SNTG1: variants seen among roughly 807,000 people sequenced by gnomAD.
SNTG1 encodes the protein gamma-1-syntrophin.
Under a neutral mutation model 74.7 loss-of-function variants are expected in SNTG1, and 39 were observed. That is an observed-to-expected ratio of 0.52 (90% CI 0.40 to 0.68). The LOEUF is 0.68. Ranked by LOEUF, SNTG1 falls within the 30% of genes least tolerant of loss-of-function variation. The pLI is 0.00. For missense variants in SNTG1, 685 were observed against 609.5 expected (o/e 1.12, Z -1.30); for synonymous variants, 254 against 217.1 (o/e 1.17, Z -1.49).
chr8:50,637,622 C>T lies in SNTG1; in HGVS notation c.850-19287C>T, dbSNP rs555982554. Among the ~76,000 whole-genome samples the T allele has an allele frequency of 1.1e-4, 16 of 152,108 alleles. No individual in the cohort carries two copies. In the South Asian group the frequency reaches 2.9e-3, roughly 28 times the overall value. On this transcript the variant is annotated intron_variant, in intron 13 of 18. Transcript: ENST00000642720. ...ATAGTACTCTAGTAGATCACTCACT[C>T]CTATTTTACCTTTGATCCAAGCAAT...
chr8:49,935,744 A>T (rs1808026094), intron 1 of SNTG1, among the ~76,000 whole-genome samples: 1 of 152,146 alleles, frequency 6.6e-6, no homozygotes, highest in Admixed American at 6.5e-5. Context: ...CAGTGTTGGA[A>T]GCCAGATTTC....
intron 18 of SNTG1, among the ~76,000 whole-genome samples, chr8:50,765,686 T>C (rs2095611857): frequency 6.6e-6 from 1 of 152,028 alleles, no homozygotes; most frequent in African/African-American, 2.4e-5. Context: ...ACTCTGATTG[T>C]TAGTTTCTCA....
intron 12 of SNTG1, among the ~76,000 whole-genome samples, chr8:50,576,363 G>A (rs2094576998): frequency 6.6e-6 from 1 of 152,122 alleles, no homozygotes; most frequent in Non-Finnish European, 1.5e-5. Flanking sequence ...ATAGCACATA[G>A]TTTACTGTAG....
rs376977793 is a variant in SNTG1, at chr8:50,009,626, C to T, written c.-103+97395C>T. Among the ~76,000 whole-genome samples the T allele has an allele frequency of 4.6e-5, 7 of 152,246 alleles. 2 individuals carry two copies. Among genetic ancestry groups the T allele is most frequent in the Admixed American group, 6.5e-5 (1 of 15,282 alleles). On this transcript the variant is annotated intron_variant, in intron 1 of 18. Transcript: ENST00000642720. ...TGAAACCTTTTTCATTGTTGCCAAT[C>T]TTCCAAAATCAAGAGGTTCTTTTGC...
intron 17 of SNTG1, among the ~76,000 whole-genome samples, chr8:50,714,776 C>T (rs1290744989): frequency 6.6e-6 from 1 of 151,950 alleles, no homozygotes; most frequent in Non-Finnish European, 1.5e-5. Context: ...CAAGGTCCAG[C>T]ACAGGCTCAA....
At position 50,421,058 on chromosome 8, in the gene SNTG1, G is replaced by T. The variant is rs377677345; in HGVS notation, c.163-17485G>T. Among the ~76,000 whole-genome samples, 114 of 107,812 alleles carry T rather than the reference G, an allele frequency of 1.1e-3. 14 individuals carry two copies. The highest frequency in any genetic ancestry group is 1.3e-3 in the Non-Finnish European group (66 of 51,780). 70.7% of individuals were successfully genotyped at this position (107,812 alleles called of 152,430 possible). A position where few individuals can be genotyped will look rare whatever the true frequency, so the allele number is the denominator to read the frequency against. On this transcript the variant is annotated intron_variant, in intron 4 of 18. Transcript: ENST00000642720. ...AAAAGGCGGTGGGCGGGGGAGGGGG[G>T]GGCGAAGATAAAGGGACATTTAAAT...
intron 17 of SNTG1, among the ~76,000 whole-genome samples, chr8:50,731,513 C>T (rs1214717158): frequency 1.3e-5 from 2 of 152,042 alleles, no homozygotes; most frequent in Non-Finnish European, 2.9e-5. Flanking sequence ...AATTCTTGCT[C>T]CTGTGTTTCT....
chr8:50,506,258 G>A (rs886248906), intron 9 of SNTG1, among the ~76,000 whole-genome samples: 2 of 151,986 alleles, frequency 1.3e-5, no homozygotes, highest in Non-Finnish European at 2.9e-5. Flanking sequence ...GCTTTGTAAT[G>A]TATCTTGAGT....
At chr8:50,452,035 A>G (rs375264941) in intron 8 of SNTG1, among the ~76,000 whole-genome samples, 2 of 152,204 alleles carry the variant, frequency 1.3e-5, no homozygotes, top group East Asian at 3.9e-4. Flanking sequence ...ATTTAGAGAA[A>G]ACTATGTTGA....
At chr8:50,781,738 C>A (rs758589773) in intron 18 of SNTG1, among the ~76,000 whole-genome samples, 1 of 152,250 alleles carries the variant, frequency 6.6e-6, no homozygotes, top group East Asian at 1.9e-4. Flanking sequence ...TGAATTTGAT[C>A]CTGTCATTAT....
intron 1 of SNTG1, among the ~76,000 whole-genome samples, chr8:50,157,329 T>G (rs972940957): frequency 6.6e-6 from 1 of 151,938 alleles, no homozygotes. Context: ...ATCAGAGGAG[T>G]AGTTACAAAG....
At chr8:50,509,562 T>C (rs2094045421) in intron 9 of SNTG1, among the ~76,000 whole-genome samples, 1 of 152,170 alleles carries the variant, frequency 6.6e-6, no homozygotes, top group Non-Finnish European at 1.5e-5. Flanking sequence ...GGAATGTTCT[T>C]CCATTTGTTT....
chr8:50,716,220 G>A (rs1033467895), intron 17 of SNTG1, among the ~76,000 whole-genome samples: 2 of 151,800 alleles, frequency 1.3e-5, no homozygotes, highest in Non-Finnish European at 2.9e-5. Flanking sequence ...TAAATTTTAT[G>A]TTATTATTCC....
intron 15 of SNTG1, among the ~76,000 whole-genome samples, chr8:50,672,851 G>T (rs769190690): frequency 6.6e-6 from 1 of 151,904 alleles, no homozygotes; most frequent in Non-Finnish European, 1.5e-5. Context: ...TCTATATTGA[G>T]TTAATTTTTG....
intron 9 of SNTG1, among the ~76,000 whole-genome samples, chr8:50,509,002 A>G (rs1227976883): frequency 1.3e-5 from 2 of 152,132 alleles, no homozygotes; most frequent in African/African-American, 2.4e-5. Context: ...GCCCATGCCT[A>G]TGTCCTGAAT....
intron 1 of SNTG1, among the ~76,000 whole-genome samples, chr8:49,966,367 G>A (rs967911002): frequency 6.6e-5 from 10 of 151,656 alleles, no homozygotes; most frequent in African/African-American, 1.2e-4. Flanking sequence ...AAAGTCTATA[G>A]CTTATTCCAG....
At chr8:50,513,673 T>TAA (rs2094106028) in intron 9 of SNTG1, among the ~76,000 whole-genome samples, 1 of 152,210 alleles carries the variant, frequency 6.6e-6, no homozygotes. Flanking sequence ...ACAGCTGTGC[T>TAA]AACAATGAGT....
intron 2 of SNTG1, among the ~76,000 whole-genome samples, chr8:50,186,525 G>A (rs983495615): frequency 3.9e-5 from 6 of 151,958 alleles, no homozygotes; most frequent in Non-Finnish European, 7.4e-5. Flanking sequence ...CCACAGCCTC[G>A]ACAGCAAATA....
chr8:50,017,159 T>C (rs75950233), intron 1 of SNTG1, among the ~76,000 whole-genome samples: 1 of 152,252 alleles, frequency 6.6e-6, no homozygotes, highest in African/African-American at 2.4e-5. Flanking sequence ...GAAATGTTAC[T>C]ACATTGTCCT....
Sources: gnomAD v4.1 joint callset for allele counts (sites outside exome capture counted in the v4.1 genomes callset) on GRCh38, gnomAD v4.1.1 for gene constraint, MANE v1.5 for transcripts, NCBI Gene and HGNC (gene_info 2026-07-23, HGNC 2026-07-21) for gene names.